TRIM24: variants seen among roughly 807,000 people sequenced by gnomAD.
The protein encoded by TRIM24 is tripartite motif containing 24, also known as transcription intermediary factor 1-alpha.
A neutral mutation model predicts 123.9 loss-of-function variants in TRIM24; 29 were observed. That is an observed-to-expected ratio of 0.23 (90% confidence interval 0.17 to 0.32). The LOEUF (loss-of-function observed/expected upper bound fraction) is 0.32, where lower values mean the gene tolerates loss of function less well. TRIM24 is among the 10% of genes least tolerant of loss of function. The pLI is 1.00. For synonymous variants in TRIM24, 456 were observed against 461.1 expected, an observed-to-expected ratio of 0.99 and a Z score of 0.14; for missense variants, 932 against 1,295.3, an observed-to-expected ratio of 0.72 and a Z score of 4.31.
intron 14 of TRIM24, among the ~76,000 whole-genome samples, chr7:138,578,514 ATGG>A (rs1235896840): frequency 6.8e-6 from 1 of 146,888 alleles, no homozygotes; most frequent in South Asian, 2.2e-4. Flanking sequence ...GATGGGGTGA[ATGG>A]TGGTGGTGGT....
chr7:138,500,494 T>G (rs1796012883), intron 1 of TRIM24, among the ~76,000 whole-genome samples: 2 of 140,626 alleles, frequency 1.4e-5, no homozygotes, highest in South Asian at 2.2e-4. Context: ...GCCCGAGAGG[T>G]GGAGGCTACA....
At position 138,519,328 on chromosome 7, in the gene TRIM24, G is replaced by C; in HGVS notation, c.764+7G>C. On this transcript the variant is annotated splice_region_variant and intron_variant, in intron 4 of 18. Coordinates refer to ENST00000343526, the MANE Select transcript of TRIM24 (RefSeq NM_015905.3). The stretch of plus-strand genomic sequence containing the variant: ...TAGAACATAAAGAGCATAGGTACCA[G>C]CATCTTTGGTTATATATATAGATTC... 6.3e-7 allele frequency: 1 copy of C among 1,597,092 alleles called. No individual in the cohort carries two copies. The highest frequency in any genetic ancestry group is 1.1e-5 in the South Asian group (1 of 88,292).
intron 7 of TRIM24, among the ~76,000 whole-genome samples, chr7:138,544,842 G>A (rs1797069615): frequency 6.6e-6 from 1 of 152,086 alleles, no homozygotes; most frequent in South Asian, 2.1e-4. Context: ...CAAACTCTTT[G>A]CCCATTTCTT....
At chr7:138,510,382 T>C (rs1041843155) in intron 2 of TRIM24, among the ~76,000 whole-genome samples, 2 of 152,180 alleles carry the variant, frequency 1.3e-5, no homozygotes, top group African/African-American at 4.8e-5. Context: ...AGATATTCAA[T>C]CAAATCATGT....
In TRIM24 at chr7:138,519,283, A is replaced by G. The variant is rs35199496; in HGVS notation, c.726A>G (p.Thr242=). 1,604 of 1,613,406 alleles carry G rather than the reference A, an allele frequency of 9.9e-4. 9 individuals carry two copies. The African/African-American group carries it at 0.019, about 19-fold the overall frequency. Residue 242 remains threonine (T), a synonymous_variant, in exon 4 of 19, where the codon ACA becomes ACG. Transcript: ENST00000343526. ...ACTGTGAGACATGTGACAAACTGAC[A>G]TGTCGAGACTGTCAGTTGTTAGAAC... ...KLYCETCDKL[T]CRDCQLLEHK...
At chr7:138,570,055 C>T (rs929409706) in intron 10 of TRIM24, among the ~76,000 whole-genome samples, 1 of 150,826 alleles carries the variant, frequency 6.6e-6, no homozygotes, top group Non-Finnish European at 1.5e-5. Context: ...TCCAGTGATT[C>T]TCCTGCCACA....
rs145011901 is a variant in TRIM24 at position 138,578,563 on chromosome 7, T to TGTGTGTGCACGC, written c.2257-640_2257-639insTGTGTGCACGCG. On this transcript the variant is annotated intron_variant, in intron 14 of 18. Coordinates refer to ENST00000343526, the MANE Select transcript of TRIM24 (RefSeq NM_015905.3). ...GTGTGTGTGTGTGTGTGTGTGTGTG[T>TGTGTGTGCACGC]GCGCGCACGCACGAATGGAAGCAGG... Among the ~76,000 whole-genome samples, 3 of 144,990 alleles carry TGTGTGTGCACGC rather than the reference T, an allele frequency of 2.1e-5. No homozygotes were observed. In the East Asian group the frequency reaches 6.1e-4, roughly 29 times the overall value.
chr7:138,564,438 G>A (rs1335825050), intron 9 of TRIM24, among the ~76,000 whole-genome samples: 1 of 152,186 alleles, frequency 6.6e-6, no homozygotes, highest in Non-Finnish European at 1.5e-5. Context: ...TATGGAAGAG[G>A]AATTTCTATC....
intron 4 of TRIM24, 118 bp downstream of exon 4, chr7:138,519,439 G>A (rs1464052948): frequency 8.4e-7 from 1 of 1,191,336 alleles, no homozygotes; most frequent in Non-Finnish European, 1.2e-6. Context: ...CCAGCACTAT[G>A]CTGGCCTGTA....
chr7:138,584,918 C>G lies in TRIM24; in HGVS notation c.3120C>G (p.Leu1040=). The change falls in exon 19 of 19, where the codon CTC becomes CTG. Residue 1040 remains leucine (L), a synonymous_variant. Coordinates refer to ENST00000343526, the MANE Select transcript of TRIM24 (RefSeq NM_015905.3). ...DDFVQPRKKR[L]KSIEERQLLK The stretch of plus-strand genomic sequence containing the variant: ...TTGTACAGCCCCGGAAGAAACGCCT[C>G]AAAAGCATTGAAGAACGCCAGTTGC... 1 of 1,612,396 alleles carries G rather than the reference C, an allele frequency of 6.2e-7. No individual in the cohort carries two copies. The highest frequency in any genetic ancestry group is 8.5e-7 in the Non-Finnish European group (1 of 1,179,572).
chr7:138,467,672 A>G (rs1432118408), intron 1 of TRIM24, among the ~76,000 whole-genome samples: 1 of 152,066 alleles, frequency 6.6e-6, no homozygotes, highest in Non-Finnish European at 1.5e-5. Context: ...GGTTCTTCCA[A>G]TCTGTGAATA....
At chr7:138,461,177 C>G in intron 1 of TRIM24, 1 of 697,376 alleles carries the variant, frequency 1.4e-6, no homozygotes, top group Non-Finnish European at 2.7e-6. Flanking sequence ...AACAGCCGGG[C>G]GGCCCCTGCC....
At chr7:138,461,181 C>A in intron 1 of TRIM24, 1 of 696,554 alleles carries the variant, frequency 1.4e-6, no homozygotes, top group Non-Finnish European at 2.7e-6. Context: ...GCCGGGCGGC[C>A]CCTGCCACTC....
chr7:138,478,009 T>A (rs1291519426), intron 1 of TRIM24, among the ~76,000 whole-genome samples: 1 of 152,212 alleles, frequency 6.6e-6, no homozygotes, highest in Non-Finnish European at 1.5e-5. Context: ...AATTGATAAT[T>A]CGAGAATGAA....
rs552274213 is a variant in TRIM24 at position 138,505,861 on chromosome 7, A to G, written c.483+1453A>G. Among the ~76,000 whole-genome samples, 23 of 152,274 alleles carry G rather than the reference A, an allele frequency of 1.5e-4. No individual in the cohort carries two copies. The East Asian group carries it at 3.9e-3, about 26-fold the overall frequency. On this transcript the variant is annotated intron_variant, in intron 2 of 18. Coordinates refer to ENST00000343526, the MANE Select transcript of TRIM24 (RefSeq NM_015905.3). ...TATCATGCATAATCTATAGTACTCC[A>G]GTGGGGGTTAGCCATGTTGAGATTA...
At position 138,508,935 on chromosome 7, in the gene TRIM24, A is replaced by G. The variant is rs562302943; in HGVS notation, c.483+4527A>G. ...GTCACCTATCTAGGCCTTTCAGGGA[A>G]TGATCTAACAGAGACTTTATTTATT... On this transcript the variant is annotated intron_variant, in intron 2 of 18. Coordinates refer to ENST00000343526, the MANE Select transcript of TRIM24 (RefSeq NM_015905.3). 2.6e-5 allele frequency among the ~76,000 whole-genome samples: 4 copies of G among 152,076 alleles called. No homozygotes were observed. In the South Asian group the frequency reaches 8.3e-4, roughly 32 times the overall value.
chr7:138,535,558 T>G lies in TRIM24; in HGVS notation c.997-3099T>G, dbSNP rs900570075. 2.2e-3 allele frequency among the ~76,000 whole-genome samples: 332 copies of G among 152,284 alleles called. 1 individual carries two copies. Among genetic ancestry groups the G allele is most frequent in the Middle Eastern group, 0.014 (4 of 294 alleles). ...GAATATTGGCCCCTACTCTCTTCTGTCTTGTAGAGTTTCTGCCGAGAGATC... is the reference window on the plus strand; with the variant it reads ...GAATATTGGCCCCTACTCTCTTCTGGCTTGTAGAGTTTCTGCCGAGAGATC... On this transcript the variant is annotated intron_variant, in intron 6 of 18. Coordinates refer to ENST00000343526, the MANE Select transcript of TRIM24 (RefSeq NM_015905.3).
Position 138,517,666 on chromosome 7 carries a change from G to A in TRIM24, c.632-1523G>A, listed in dbSNP as rs568304964. ...TGGGATTACAGATGTGAGCCACCAC[G>A]CCTGGTATAGGCCAGCATACTGGTT... On this transcript the variant is annotated intron_variant, in intron 3 of 18. Coordinates refer to ENST00000343526, the MANE Select transcript of TRIM24 (RefSeq NM_015905.3). 4.1e-4 allele frequency among the ~76,000 whole-genome samples: 62 copies of A among 152,202 alleles called. No individual in the cohort carries two copies. In the Middle Eastern group the frequency reaches 0.01, roughly 25 times the overall value.
Position 138,579,374 on chromosome 7 carries a change from G to A in TRIM24, c.2427G>A (p.Gln809=), listed in dbSNP as rs1797845935. The A allele has an allele frequency of 6.2e-7, 1 of 1,614,098 alleles. No homozygotes were observed. Among genetic ancestry groups the A allele is most frequent in the Non-Finnish European group, 8.5e-7 (1 of 1,180,006 alleles). ...NGKSEWLDPS[Q]KSPLHVGETR... is the part of the protein sequence containing the mutation. ...AGTCTGAATGGTTGGATCCTTCCCA[G>A]AAGTCACCTCTTCATGTTGGAGAGA... Residue 809 remains glutamine (Q), a synonymous_variant, in exon 15 of 19, where the codon CAG becomes CAA. Coordinates refer to ENST00000343526, the MANE Select transcript of TRIM24 (RefSeq NM_015905.3).
Sources: allele counts gnomAD v4.1 joint callset (sites outside exome capture counted in the v4.1 genomes callset), GRCh38; gene constraint gnomAD v4.1.1; transcripts MANE v1.5; gene names NCBI Gene and HGNC (gene_info 2026-07-23, HGNC 2026-07-21).